The following LATS2 variants were observed in gnomAD, a reference collection of about 807,000 sequenced individuals.
LATS2 encodes serine/threonine-protein kinase LATS2.
LATS2 carries 24 observed loss-of-function variants against 76.0 expected under a neutral mutation model. That is an observed-to-expected ratio of 0.32 (90% confidence interval 0.23 to 0.44). The LOEUF (loss-of-function observed/expected upper bound fraction) is 0.44, where lower values mean the gene tolerates loss of function less well. Ranked by LOEUF, LATS2 falls within the 20% of genes least tolerant of loss-of-function variation. The probability of loss-of-function intolerance (pLI) is 1.00; values close to 1 mark genes in which losing one functional copy is unlikely to be tolerated. For missense variants in LATS2, 1,286 were observed against 1,481.2 expected, an observed-to-expected ratio of 0.87 and a Z score of 2.16; for synonymous variants, 692 against 635.4, an observed-to-expected ratio of 1.09 and a Z score of -1.34.
chr13:20,989,040 G>C lies in LATS2; in HGVS notation c.740C>G (p.Pro247Arg). 6.4e-7 allele frequency: 1 copy of C among 1,569,534 alleles called. No individual in the cohort carries two copies. The highest frequency in any genetic ancestry group is 8.6e-7 in the Non-Finnish European group (1 of 1,163,668). The change falls in exon 4 of 8, where the codon CCG (proline) becomes CGG (arginine). Residue 247 changes from proline (P) to arginine (R), a missense_variant. Transcript: ENST00000382592. ...ASVEAAGAHF[P>R]LQGAHYGRPH... is the part of the protein sequence containing the mutation. ...CCGCCCGTAGTGCGCGCCCTGCAGCGGGAAGTGTGCCCCTGCTGCCTCTAC... is the reference window on the plus strand; with the variant it reads ...CCGCCCGTAGTGCGCGCCCTGCAGCCGGAAGTGTGCCCCTGCTGCCTCTAC...
intron 2 of LATS2, among the ~76,000 whole-genome samples, chr13:21,009,093 G>A (rs1370098018): frequency 6.6e-6 from 1 of 152,144 alleles, no homozygotes; most frequent in East Asian, 1.9e-4. Flanking sequence ...AGCGATTTGG[G>A]CCAGAACTGA....
intron 1 of LATS2, among the ~76,000 whole-genome samples, chr13:21,058,384 CCT>C (rs1873514988): frequency 6.6e-6 from 1 of 152,214 alleles, no homozygotes. Context: ...CGAAATCCTT[CCT>C]CTGTTTATGG....
intron 5 of LATS2, among the ~76,000 whole-genome samples, 186 bp from the exon 6 acceptor site, chr13:20,981,834 G>C (rs1193801777): frequency 2.0e-5 from 3 of 152,190 alleles, no homozygotes; most frequent in African/African-American, 7.2e-5. Context: ...CTAGTTTGGA[G>C]ACACACGTGG....
intron 2 of LATS2, among the ~76,000 whole-genome samples, chr13:21,012,643 C>CT (rs1871638464): frequency 6.6e-6 from 1 of 152,122 alleles, no homozygotes; most frequent in African/African-American, 2.4e-5. Context: ...CTATTCATGG[C>CT]TTTGTTGGAT....
chr13:21,049,669 A>G (rs1247372989), intron 1 of LATS2, among the ~76,000 whole-genome samples: 1 of 152,210 alleles, frequency 6.6e-6, no homozygotes, highest in African/African-American at 2.4e-5. Context: ...GACACTGCAG[A>G]CTGAAGAAAA....
rs762544451 is a variant in LATS2, at chr13:20,983,534, G to A, written c.2172C>T (p.Asp724=). Residue 724 remains aspartate, a synonymous_variant, in exon 5 of 8, where the codon GAC becomes GAT. Coordinates refer to ENST00000382592, the MANE Select transcript of LATS2 (RefSeq NM_014572.3). ...AGTAGAGTTTGACCACCCACTCATT[G>A]TCTGCCTCGGCCAGGATGTCCCTCT... The part of the protein sequence containing the change: ...KAERDILAEA[D]NEWVVKLYYS... The A allele has an allele frequency of 6.2e-7, 1 of 1,614,068 alleles. No individual in the cohort carries two copies. Among genetic ancestry groups the A allele is most frequent in the Non-Finnish European group, 8.5e-7 (1 of 1,180,054 alleles).
intron 2 of LATS2, among the ~76,000 whole-genome samples, chr13:21,032,933 G>A (rs1170897652): frequency 2.6e-5 from 4 of 152,050 alleles, no homozygotes; most frequent in Non-Finnish European, 4.4e-5. Context: ...AGGTGCAGAG[G>A]GCAGACCCAA....
In LATS2 at chr13:21,046,041, C is replaced by T. The variant is rs181065247; in HGVS notation, c.-15G>A. On this transcript the variant is annotated 5_prime_UTR_variant, in exon 2 of 8. Coordinates refer to ENST00000382592, the MANE Select transcript of LATS2 (RefSeq NM_014572.3). ...TTTGGCCTCATTGTTAGTCCAGTTTCCTTTTACCATAAATACAATCTTCTT... is the reference window on the plus strand; with the variant it reads ...TTTGGCCTCATTGTTAGTCCAGTTTTCTTTTACCATAAATACAATCTTCTT... The T allele has an allele frequency of 3.0e-3, 4,656 of 1,563,884 alleles. 16 individuals are homozygous for T. The highest frequency in any genetic ancestry group is 3.7e-3 in the Non-Finnish European group (4,169 of 1,141,632).
chr13:21,002,374 CTTT>C (rs549992152), intron 2 of LATS2, among the ~76,000 whole-genome samples: 19 of 137,226 alleles, frequency 1.4e-4, no homozygotes, highest in Non-Finnish European at 1.7e-4. Flanking sequence ...AATTAATTAA[CTTT>C]TTTTTTTTTT....
intron 2 of LATS2, among the ~76,000 whole-genome samples, chr13:21,022,601 A>G (rs1872114353): frequency 6.6e-6 from 1 of 152,196 alleles, no homozygotes; most frequent in African/African-American, 2.4e-5. Context: ...GAACTGTACC[A>G]AAGTCAGAGG....
chr13:21,019,073 C>A (rs1871928907), intron 2 of LATS2, among the ~76,000 whole-genome samples: 2 of 152,122 alleles, frequency 1.3e-5, no homozygotes, highest in South Asian at 4.1e-4. Context: ...AATCCTGGAC[C>A]AGCTGCTTTC....
intron 2 of LATS2, among the ~76,000 whole-genome samples, chr13:21,039,260 A>G (rs1565962723): frequency 1.3e-5 from 2 of 152,184 alleles, no homozygotes; most frequent in Non-Finnish European, 2.9e-5. Flanking sequence ...TTCTCCTCTT[A>G]TTAATATTTC....
At chr13:21,047,829 T>C (rs1873127037) in intron 1 of LATS2, among the ~76,000 whole-genome samples, 1 of 152,172 alleles carries the variant, frequency 6.6e-6, no homozygotes, top group African/African-American at 2.4e-5. Flanking sequence ...GAGATGACAT[T>C]TGAATTCCTA....
At chr13:21,053,805 A>G (rs954813551) in intron 1 of LATS2, among the ~76,000 whole-genome samples, 4 of 152,250 alleles carry the variant, frequency 2.6e-5, no homozygotes, top group African/African-American at 9.6e-5. Flanking sequence ...ATGCTAAGTG[A>G]AATAAGCCAA....
chr13:21,020,572 G>C (rs1259722456), intron 2 of LATS2, among the ~76,000 whole-genome samples: 3 of 152,162 alleles, frequency 2.0e-5, no homozygotes, highest in Non-Finnish European at 2.9e-5. Flanking sequence ...AGTACAGCTA[G>C]ATGGCCATAA....
At chr13:21,056,185 G>C (rs1873443085) in intron 1 of LATS2, among the ~76,000 whole-genome samples, 1 of 152,068 alleles carries the variant, frequency 6.6e-6, no homozygotes, top group Non-Finnish European at 1.5e-5. Context: ...TGCCCAGGCT[G>C]GAGTGCAGTG....
intron 2 of LATS2, among the ~76,000 whole-genome samples, chr13:21,023,802 C>T (rs1231113894): frequency 2.0e-5 from 3 of 151,332 alleles, no homozygotes; most frequent in East Asian, 2.0e-4. Context: ...GGAGAAACCC[C>T]GTCTCTACTA....
chr13:21,039,493 A>G (rs1217843559), intron 2 of LATS2, among the ~76,000 whole-genome samples: 2 of 152,206 alleles, frequency 1.3e-5, no homozygotes, highest in Non-Finnish European at 2.9e-5. Flanking sequence ...TGTTAGAATT[A>G]AGCCAAATAA....
chr13:21,051,257 C>T (rs556717433), intron 1 of LATS2, among the ~76,000 whole-genome samples: 11 of 152,306 alleles, frequency 7.2e-5, no homozygotes, highest in East Asian at 5.8e-4. Context: ...CAAGGTGACC[C>T]TGTTACTTGG....
Sources: allele counts gnomAD v4.1 joint callset (sites outside exome capture counted in the v4.1 genomes callset), GRCh38; gene constraint gnomAD v4.1.1; transcripts MANE v1.5; gene names NCBI Gene and HGNC (gene_info 2026-07-23, HGNC 2026-07-21).